Variants in CHRM3 observed in about 807,000 individuals in gnomAD.
CHRM3 encodes the protein muscarinic acetylcholine receptor M3.
CHRM3 carries 11 observed loss-of-function variants against 41.8 expected under a neutral mutation model. The observed-to-expected ratio is 0.26, with a 90% CI of 0.17 to 0.44. The LOEUF (loss-of-function observed/expected upper bound fraction) is 0.44. CHRM3 is among the 20% of genes least tolerant of loss of function. CHRM3 has a pLI of 1.00. For synonymous variants in CHRM3, 297 were observed against 301.4 expected (o/e 0.99, Z 0.15); for missense variants, 571 against 745.4 (o/e 0.77, Z 2.72).
chr1:239,558,272 A>G (rs1339982587), intron 3 of CHRM3, among the ~76,000 whole-genome samples: 1 of 152,082 alleles, frequency 6.6e-6, no homozygotes, highest in Admixed American at 6.5e-5. Context: ...GGCTGCATGT[A>G]TGTCTTCTTT....
chr1:239,830,530 C>A (rs576652356), intron 6 of CHRM3, among the ~76,000 whole-genome samples: 1 of 152,082 alleles, frequency 6.6e-6, no homozygotes, highest in Non-Finnish European at 1.5e-5. Context: ...GGTGAAACCC[C>A]GTCTCTATTA....
chr1:239,703,235 T>C (rs573175375), intron 5 of CHRM3: 15 of 152,362 alleles, frequency 9.8e-5, no homozygotes, highest in African/African-American at 3.6e-4. Flanking sequence ...GGAGATTGCA[T>C]GTCCTCACAC....
chr1:239,679,027 G>GGATAGATAGATAGATA (rs61514483), intron 5 of CHRM3, among the ~76,000 whole-genome samples: 9,912 of 148,694 alleles, frequency 0.067, 355 homozygotes, highest in South Asian at 0.1. Context: ...GTAGATAGAT[G>GGATAGATAGATAGATA]GATAGATAGA....
At chr1:239,820,622 T>A (rs532029426) in intron 5 of CHRM3, among the ~76,000 whole-genome samples, 1 of 152,268 alleles carries the variant, frequency 6.6e-6, no homozygotes, top group South Asian at 2.1e-4. Flanking sequence ...TGAGGCTTTT[T>A]TTTCAGTACA....
At chr1:239,526,786 C>A (rs562166395) in intron 2 of CHRM3, among the ~76,000 whole-genome samples, 1 of 152,076 alleles carries the variant, frequency 6.6e-6, no homozygotes, top group African/African-American at 2.4e-5. Flanking sequence ...TTAATAATGA[C>A]GAGAATAATT....
intron 1 of CHRM3, among the ~76,000 whole-genome samples, chr1:239,407,865 T>G (rs61834684): frequency 6.6e-6 from 1 of 152,182 alleles, no homozygotes; most frequent in Non-Finnish European, 1.5e-5. Context: ...AAGAAATTCC[T>G]TATGACCATA....
chr1:239,638,509 G>A (rs1670735373), intron 4 of CHRM3, among the ~76,000 whole-genome samples: 1 of 152,098 alleles, frequency 6.6e-6, no homozygotes. Flanking sequence ...TTCTCTGATG[G>A]CCAGTGATGA....
At chr1:239,705,701 G>A (rs540533967) in intron 5 of CHRM3, 1 of 152,196 alleles carries the variant, frequency 6.6e-6, no homozygotes, top group South Asian at 2.1e-4. Flanking sequence ...TCTTTATAGG[G>A]AAGGAAAAAT....
At chr1:239,458,649 A>G (rs1197215793) in intron 1 of CHRM3, among the ~76,000 whole-genome samples, 5 of 152,228 alleles carry the variant, frequency 3.3e-5, no homozygotes, top group Non-Finnish European at 5.9e-5. Flanking sequence ...TACAAGCTTT[A>G]TAACCCAAAG....
intron 6 of CHRM3, among the ~76,000 whole-genome samples, chr1:239,870,907 A>C (rs1676519112): frequency 6.6e-6 from 1 of 152,130 alleles, no homozygotes; most frequent in African/African-American, 2.4e-5. Context: ...GATTCACTTC[A>C]AACTAGCAGG....
At chr1:239,858,779 C>G (rs950593741) in intron 6 of CHRM3, among the ~76,000 whole-genome samples, 8 of 152,128 alleles carry the variant, frequency 5.3e-5, no homozygotes, top group African/African-American at 1.4e-4. Flanking sequence ...AGAGCCCCTC[C>G]CCCAGCAGCT....
chr1:239,631,393 C>T (rs1486796451), intron 3 of CHRM3, among the ~76,000 whole-genome samples: 1 of 152,144 alleles, frequency 6.6e-6, no homozygotes, highest in Non-Finnish European at 1.5e-5. Context: ...TCTCAGTCCT[C>T]TTTTCATTTG....
chr1:239,869,478 C>G (rs1261275968), intron 6 of CHRM3, among the ~76,000 whole-genome samples: 1 of 152,108 alleles, frequency 6.6e-6, no homozygotes, highest in Non-Finnish European at 1.5e-5. Flanking sequence ...ACCCTGTGGC[C>G]TACAGCTTCC....
At chr1:239,421,928 A>C (rs1379027216) in intron 1 of CHRM3, among the ~76,000 whole-genome samples, 1 of 152,116 alleles carries the variant, frequency 6.6e-6, no homozygotes, top group African/African-American at 2.4e-5. Flanking sequence ...TTTATTTTAC[A>C]CTGTAGAATG....
rs1485923710 is a variant in CHRM3, at chr1:239,909,826, T to C, written c.*602T>C. ...TTGTGCAGTTCAAGTTTCGTACAAA[T>C]AAAAATACTTAAGTATATATATATG... On this transcript the variant is annotated 3_prime_UTR_variant, in exon 7 of 7. Coordinates refer to ENST00000676153, the MANE Select transcript of CHRM3 (RefSeq NM_001375978.1). 3.0e-5 allele frequency: 5 copies of C among 167,314 alleles called. No individual in the cohort carries two copies. Among genetic ancestry groups the C allele is most frequent in the African/African-American group, 9.7e-5 (4 of 41,420 alleles). 10.4% of individuals were successfully genotyped at this position (167,314 alleles called of 1,614,324 possible). A position where few individuals can be genotyped will look rare whatever the true frequency, so the allele number is the denominator to read the frequency against.
At chr1:239,600,235 C>A (rs76378684) in intron 3 of CHRM3, among the ~76,000 whole-genome samples, 4,537 of 152,164 alleles carry the variant, frequency 0.03, 245 homozygotes, top group African/African-American at 0.1. Context: ...TCTACTGTGA[C>A]CATGTCAGTA....
At chr1:239,393,433 C>T (rs1190834627) in intron 1 of CHRM3, among the ~76,000 whole-genome samples, 1 of 152,138 alleles carries the variant, frequency 6.6e-6, no homozygotes, top group East Asian at 1.9e-4. Flanking sequence ...ACGTGATGAT[C>T]CTCCTGCCGT....
At chr1:239,427,262 G>T (rs1313160873) in intron 1 of CHRM3, among the ~76,000 whole-genome samples, 1 of 152,114 alleles carries the variant, frequency 6.6e-6, no homozygotes, top group Non-Finnish European at 1.5e-5. Flanking sequence ...TATATATAAA[G>T]GTTGTGGGCA....
In CHRM3 at chr1:239,671,672, CT is replaced by C. The variant is rs61285710; in HGVS notation, c.-249-6502del. 2.6e-3 allele frequency among the ~76,000 whole-genome samples: 378 copies of C among 145,986 alleles called. 2 individuals carry two copies. Among genetic ancestry groups the C allele is most frequent in the Non-Finnish European group, 4.2e-3 (277 of 66,024 alleles). ...TATTGAAAACAGTTATTTTATTTTA[CT>C]TTTTTTTTTTTGAGGAGGTGAGGTG... On this transcript the variant is annotated intron_variant, in intron 4 of 6. Coordinates refer to ENST00000676153, the MANE Select transcript of CHRM3 (RefSeq NM_001375978.1).
Sources: gnomAD v4.1 joint callset for allele counts (sites outside exome capture counted in the v4.1 genomes callset) on GRCh38, gnomAD v4.1.1 for gene constraint, MANE v1.5 for transcripts, NCBI Gene and HGNC (gene_info 2026-07-23, HGNC 2026-07-21) for gene names.